TUSC3: variants seen among roughly 807,000 people sequenced by gnomAD.
TUSC3 encodes the protein dolichyl-diphosphooligosaccharide--protein glycosyltransferase subunit TUSC3.
TUSC3 carries 45 observed loss-of-function variants against 44.8 expected under a neutral mutation model. The observed-to-expected ratio is 1.00, with a 90% CI of 0.79 to 1.29. The LOEUF is 1.29. Among genes scored for constraint, TUSC3 ranks in the 50% most tolerant of loss-of-function variants. TUSC3 has a pLI of 0.00. For missense variants in TUSC3, 519 were observed against 437.9 expected (o/e 1.19, Z -1.65); for synonymous variants, 212 against 152.9 (o/e 1.39, Z -2.85).
chr8:15,706,200 C>T (rs1809609389), intron 6 of TUSC3, among the ~76,000 whole-genome samples: 1 of 151,808 alleles, frequency 6.6e-6, no homozygotes, highest in Non-Finnish European at 1.5e-5. Flanking sequence ...ACTATTATTG[C>T]ATATATATGG....
At chr8:15,543,480 A>G (rs746938393) in intron 1 of TUSC3, among the ~76,000 whole-genome samples, 14 of 152,202 alleles carry the variant, frequency 9.2e-5, no homozygotes, top group Non-Finnish European at 2.1e-4. Context: ...GACATCAGGC[A>G]AACGACAAAC....
chr8:15,540,691 G>A, intron 1 of TUSC3, 123 bp downstream of exon 1: 1 of 1,343,510 alleles, frequency 7.4e-7, no homozygotes, highest in Non-Finnish European at 9.8e-7. Context: ...GCCGGCGCTG[G>A]GGCGGGAGCC....
intron 6 of TUSC3, among the ~76,000 whole-genome samples, chr8:15,724,142 G>C (rs532433969): frequency 3.9e-5 from 6 of 152,200 alleles, no homozygotes; most frequent in African/African-American, 1.4e-4. Flanking sequence ...CAAAGAAGAG[G>C]TCATGTGAGC....
intron 6 of TUSC3, among the ~76,000 whole-genome samples, chr8:15,708,157 C>T (rs1296321174): frequency 6.6e-6 from 1 of 151,920 alleles, no homozygotes; most frequent in Non-Finnish European, 1.5e-5. Context: ...TTCAACCTCA[C>T]TACACTGGGC....
At chr8:15,817,992 C>G in the TUSC3 span, among the ~76,000 whole-genome samples, 2 of 152,070 alleles carry the variant, frequency 1.3e-5, no homozygotes, top group African/African-American at 2.4e-5. Flanking sequence ...AAGGAGGAAG[C>G]TGGAGAGACT....
At chr8:15,653,011 C>G (rs1032727039) in intron 3 of TUSC3, among the ~76,000 whole-genome samples, 2 of 152,208 alleles carry the variant, frequency 1.3e-5, no homozygotes, top group Admixed American at 1.3e-4. Context: ...AATATGCCTT[C>G]TCCTATTTTT....
At chr8:15,685,910 C>CACATTTTCAT (rs5889593) in intron 6 of TUSC3, among the ~76,000 whole-genome samples, 150,957 of 151,596 alleles carry the variant, frequency 1, 75,165 homozygotes, top group East Asian at 1. Flanking sequence ...TGACTCTGCT[C>CACATTTTCAT]ATATTAATTG....
At chr8:15,800,527 C>T in the TUSC3 span, among the ~76,000 whole-genome samples, 6 of 151,100 alleles carry the variant, frequency 4.0e-5, no homozygotes, top group African/African-American at 9.7e-5. Context: ...GAGCTGAGAT[C>T]ATGCCACTGC....
intron 9 of TUSC3, among the ~76,000 whole-genome samples, chr8:15,755,866 G>A (rs990079179): frequency 6.6e-6 from 1 of 151,974 alleles, no homozygotes; most frequent in African/African-American, 2.4e-5. Context: ...CAAAGTGCTA[G>A]CAAGGACATC....
At chr8:15,825,743 G>A in the TUSC3 span, among the ~76,000 whole-genome samples, 1 of 151,056 alleles carries the variant, frequency 6.6e-6, no homozygotes, top group African/African-American at 2.4e-5. Flanking sequence ...TTACAAAGCA[G>A]AGATTACCTC....
At chr8:15,850,016 C>G in the TUSC3 span, among the ~76,000 whole-genome samples, 1 of 151,922 alleles carries the variant, frequency 6.6e-6, no homozygotes, top group African/African-American at 2.4e-5. Context: ...CTTCGACTTC[C>G]TCTGTCTCCT....
the TUSC3 span, among the ~76,000 whole-genome samples, chr8:15,800,669 G>A: frequency 6.6e-6 from 1 of 152,096 alleles, no homozygotes; most frequent in Middle Eastern, 3.2e-3. Context: ...TCCCTGGTCT[G>A]TGCTATCTGC....
intron 1 of TUSC3, among the ~76,000 whole-genome samples, chr8:15,431,351 T>A (rs188581702): frequency 3.3e-5 from 5 of 151,808 alleles, no homozygotes; most frequent in Non-Finnish European, 5.9e-5. Flanking sequence ...GTGTCTTCAA[T>A]TTATTTGATC....
At chr8:15,613,601 G>A (rs1462122379) in intron 1 of TUSC3, among the ~76,000 whole-genome samples, 1 of 152,034 alleles carries the variant, frequency 6.6e-6, no homozygotes, top group Non-Finnish European at 1.5e-5. Context: ...ATGATTGTGA[G>A]GCCTCCCCAG....
intron 5 of TUSC3, among the ~76,000 whole-genome samples, chr8:15,667,557 G>C (rs975232664): frequency 6.6e-6 from 1 of 151,636 alleles, no homozygotes; most frequent in Non-Finnish European, 1.5e-5. Flanking sequence ...TGTATAAAAT[G>C]TGTATAGAAT....
intron 5 of TUSC3, among the ~76,000 whole-genome samples, chr8:15,665,087 T>C (rs1230570835): frequency 2.0e-5 from 3 of 151,636 alleles, no homozygotes; most frequent in Non-Finnish European, 3.0e-5. Context: ...ATAACTAATA[T>C]CTCATTTTTC....
chr8:15,486,710 T>G (rs1242542708), intron 2 of TUSC3, among the ~76,000 whole-genome samples: 3 of 152,188 alleles, frequency 2.0e-5, no homozygotes, highest in African/African-American at 4.8e-5. Flanking sequence ...CCCAAAGTGC[T>G]GGGATTACAG....
chr8:15,707,970 G>A (rs1809687915), intron 6 of TUSC3, among the ~76,000 whole-genome samples: 1 of 151,866 alleles, frequency 6.6e-6, no homozygotes, highest in Non-Finnish European at 1.5e-5. Flanking sequence ...CCCCACTCCA[G>A]TCTTTGCCTC....
intron 8 of TUSC3, among the ~76,000 whole-genome samples, chr8:15,746,065 G>T (rs1811401212): frequency 6.6e-6 from 1 of 152,062 alleles, no homozygotes; most frequent in African/African-American, 2.4e-5. Context: ...AAGATCAGAT[G>T]GTTGAGAGTG....
Sources: allele counts gnomAD v4.1 joint callset (sites outside exome capture counted in the v4.1 genomes callset), GRCh38; gene constraint gnomAD v4.1.1; transcripts MANE v1.5; gene names NCBI Gene and HGNC (gene_info 2026-07-23, HGNC 2026-07-21).